The following MTUS2 variants were observed in gnomAD, a reference collection of about 807,000 sequenced individuals.
The protein encoded by MTUS2 is microtubule associated scaffold protein 2.
A neutral mutation model predicts 114.1 loss-of-function variants in MTUS2; 40 were observed. The observed-to-expected ratio is 0.35, with a 90% CI of 0.27 to 0.46. The LOEUF (loss-of-function observed/expected upper bound fraction) is 0.46, where lower values mean the gene tolerates loss of function less well. MTUS2 is among the 20% of genes least tolerant of loss of function. The pLI is 1.00. For synonymous variants in MTUS2, 688 were observed against 672.0 expected (o/e 1.02, Z -0.37); for missense variants, 1,679 against 1,705.4 (o/e 0.98, Z 0.27).
chr13:29,359,202 G>T, intron 7 of MTUS2, 60 bp from the exon 8 acceptor site: 1 of 1,440,062 alleles, frequency 6.9e-7, no homozygotes, highest in Non-Finnish European at 9.3e-7. Context: ...AGAAGCCGTT[G>T]TCACATGTGT....
intron 5 of MTUS2, among the ~76,000 whole-genome samples, chr13:29,183,541 A>T (rs1045055986): frequency 6.6e-6 from 1 of 152,214 alleles, no homozygotes; most frequent in Non-Finnish European, 1.5e-5. Flanking sequence ...GAGCCAATAG[A>T]TGGAATTTAG....
intron 11 of MTUS2, among the ~76,000 whole-genome samples, chr13:29,490,986 TGTG>T (rs936313952): frequency 2.3e-4 from 1 of 4,312 alleles, no homozygotes; most frequent in Non-Finnish European, 1.5e-3. Context: ...GAAGTGTGGA[TGTG>T]TGTGTGTGTG....
At chr13:28,875,045 A>G (rs2138115061) in intron 2 of MTUS2, among the ~76,000 whole-genome samples, 1 of 152,330 alleles carries the variant, frequency 6.6e-6, no homozygotes, top group South Asian at 2.1e-4. Flanking sequence ...GGCTGGTCCA[A>G]GGCAGCACCA....
intron 7 of MTUS2, among the ~76,000 whole-genome samples, chr13:29,338,893 G>A (rs985933936): frequency 2.6e-5 from 4 of 152,292 alleles, no homozygotes; most frequent in Admixed American, 6.5e-5. Flanking sequence ...AGAGCAACAC[G>A]GTCTCTTCAG....
At chr13:28,902,346 A>G (rs1379356767) in intron 2 of MTUS2, among the ~76,000 whole-genome samples, 2 of 152,144 alleles carry the variant, frequency 1.3e-5, no homozygotes, top group African/African-American at 4.8e-5. Flanking sequence ...TAGAATTTCT[A>G]GTACTATGTT....
At chr13:28,966,469 C>T (rs979521365) in intron 2 of MTUS2, among the ~76,000 whole-genome samples, 2 of 152,106 alleles carry the variant, frequency 1.3e-5, no homozygotes, top group African/African-American at 4.8e-5. Context: ...CACCTCTAAT[C>T]CAAGCACGTT....
chr13:29,001,146 T>A (rs1461573682), intron 2 of MTUS2, among the ~76,000 whole-genome samples: 1 of 152,214 alleles, frequency 6.6e-6, no homozygotes, highest in African/African-American at 2.4e-5. Context: ...CCCTTTTTGC[T>A]GGGATGCTTC....
chr13:28,956,656 A>G (rs536321505), intron 2 of MTUS2, among the ~76,000 whole-genome samples: 1 of 152,340 alleles, frequency 6.6e-6, no homozygotes, highest in South Asian at 2.1e-4. Context: ...AAAAACACCA[A>G]TGAAACAAAC....
intron 2 of MTUS2, among the ~76,000 whole-genome samples, chr13:28,986,769 T>G (rs1370240785): frequency 6.6e-6 from 1 of 152,198 alleles, no homozygotes; most frequent in East Asian, 1.9e-4. Flanking sequence ...TCCAGAGCTG[T>G]GCTATCCACT....
chr13:29,145,142 A>T (rs1892378183), intron 5 of MTUS2, among the ~76,000 whole-genome samples: 1 of 152,232 alleles, frequency 6.6e-6, no homozygotes, highest in Non-Finnish European at 1.5e-5. Context: ...TAGCAATAAC[A>T]AATTACTATT....
chr13:29,486,391 A>G (rs962467846), intron 10 of MTUS2, among the ~76,000 whole-genome samples: 1 of 152,162 alleles, frequency 6.6e-6, no homozygotes, highest in Non-Finnish European at 1.5e-5. Context: ...CCTTTTTTAA[A>G]ACAAATATAT....
intron 5 of MTUS2, among the ~76,000 whole-genome samples, chr13:29,200,164 T>A (rs796899380): frequency 3.7e-4 from 57 of 152,206 alleles, no homozygotes; most frequent in African/African-American, 1.3e-3. Flanking sequence ...GACTTTTTTT[T>A]AAGGTTTTTT....
chr13:28,898,659 A>T (rs192047035), intron 2 of MTUS2, among the ~76,000 whole-genome samples: 1 of 152,360 alleles, frequency 6.6e-6, no homozygotes. Context: ...TTAGCTGACA[A>T]TTACACCAGA....
chr13:29,137,994 A>G (rs1460714047), intron 5 of MTUS2, among the ~76,000 whole-genome samples: 1 of 152,174 alleles, frequency 6.6e-6, no homozygotes, highest in African/African-American at 2.4e-5. Flanking sequence ...GAGGGGGAAC[A>G]ACATAGGGAG....
At chr13:28,910,708 A>G (rs1593293328) in intron 2 of MTUS2, among the ~76,000 whole-genome samples, 1 of 151,824 alleles carries the variant, frequency 6.6e-6, no homozygotes, top group Non-Finnish European at 1.5e-5. Flanking sequence ...AAAGGACATG[A>G]TCTCATTTCT....
At chr13:29,193,292 C>T (rs1251600195) in intron 5 of MTUS2, among the ~76,000 whole-genome samples, 2 of 151,998 alleles carry the variant, frequency 1.3e-5, no homozygotes, top group East Asian at 3.9e-4. Context: ...AAATATAGAA[C>T]ACACCATTCA....
intron 7 of MTUS2, among the ~76,000 whole-genome samples, chr13:29,337,100 G>C (rs1901101894): frequency 6.6e-6 from 1 of 152,128 alleles, no homozygotes; most frequent in African/African-American, 2.4e-5. Context: ...GGGTTCTGCT[G>C]AGCTAGACCA....
chr13:29,458,987 G>A (rs897681574), intron 9 of MTUS2, among the ~76,000 whole-genome samples: 7 of 152,274 alleles, frequency 4.6e-5, no homozygotes, highest in Non-Finnish European at 8.8e-5. Context: ...ATGGCTGAGA[G>A]TGATGCCCAC....
At chr13:28,878,130 G>A (rs985754657) in intron 2 of MTUS2, among the ~76,000 whole-genome samples, 11 of 151,830 alleles carry the variant, frequency 7.2e-5, no homozygotes, top group Admixed American at 3.9e-4. Context: ...TTTTGGTGAC[G>A]TTTAGTCTAA....
Sources: gnomAD v4.1 joint callset for allele counts (sites outside exome capture counted in the v4.1 genomes callset) on GRCh38, gnomAD v4.1.1 for gene constraint, MANE v1.5 for transcripts, NCBI Gene and HGNC (gene_info 2026-07-23, HGNC 2026-07-21) for gene names.